Variants in RASGRF2 observed in about 807,000 individuals in gnomAD.
The protein encoded by RASGRF2 is Ras protein specific guanine nucleotide releasing factor 2, also known as ras-specific guanine nucleotide-releasing factor 2.
In RASGRF2, 76 loss-of-function variants were observed where a neutral mutation model predicts 151.0. The observed-to-expected ratio is 0.50, with a 90% CI of 0.42 to 0.61. The LOEUF (loss-of-function observed/expected upper bound fraction) is 0.61. RASGRF2 is among the 20% of genes least tolerant of loss of function. RASGRF2 has a pLI of 0.00. For synonymous variants in RASGRF2, 504 were observed against 566.5 expected, an observed-to-expected ratio of 0.89 and a Z score of 1.57; for missense variants, 1,148 against 1,564.6, an observed-to-expected ratio of 0.73 and a Z score of 4.49.
chr5:81,215,267 C>CTTTTTTT (rs772223510), intron 23 of RASGRF2, among the ~76,000 whole-genome samples: 3 of 119,790 alleles, frequency 2.5e-5, no homozygotes, highest in Non-Finnish European at 5.2e-5. Flanking sequence ...AATATAGAAT[C>CTTTTTTT]TTTTTTTTTT....
rs372245319 is a variant in RASGRF2, at chr5:81,140,059, C to T, written c.2686+12896C>T. Among the ~76,000 whole-genome samples the T allele has an allele frequency of 8.0e-4, 121 of 152,196 alleles. 2 individuals are homozygous for T. Among genetic ancestry groups the T allele is most frequent in the African/African-American group, 2.3e-3 (96 of 41,530 alleles). On this transcript the variant is annotated intron_variant, in intron 17 of 26. Coordinates refer to ENST00000265080, the MANE Select transcript of RASGRF2 (RefSeq NM_006909.3). ...GCCCAGGCTGGTCTCCAACCCCCGT[C>T]CTTAAGTGATCCTCCTGCCTCGGCC...
At position 81,208,386 on chromosome 5, in the gene RASGRF2, A is replaced by C; in HGVS notation, c.3104A>C (p.Asp1035Ala). The part of the protein sequence containing the change: ...EFLGQGWMKL[D>A]KNERTPYIMK... The stretch of plus-strand genomic sequence containing the variant: ...CTTGGGCAGGGGTGGATGAAGCTGG[A>C]TAAAAACGAAAGAACTCCTTACATT... Residue 1035 changes from aspartate to alanine, a missense_variant, in exon 22 of 27, where the codon GAT becomes GCT. Physicochemically the swap from Asp to Ala is moderately radical, Grantham distance 126. This residue lies in a region of RASGRF2 where 646 missense variants were observed against 807.4 expected (regional missense o/e 0.80). Coordinates refer to ENST00000265080, the MANE Select transcript of RASGRF2 (RefSeq NM_006909.3). The C allele has an allele frequency of 1.2e-6, 2 of 1,614,092 alleles. No homozygotes were observed. The highest frequency in any genetic ancestry group is 3.3e-5 in the Admixed American group (2 of 60,022).
chr5:81,081,013 A>G (rs1752070786), intron 7 of RASGRF2, among the ~76,000 whole-genome samples: 1 of 152,206 alleles, frequency 6.6e-6, no homozygotes, highest in African/African-American at 2.4e-5. Context: ...GAAGCAAAGA[A>G]TTCAAGAATG....
At chr5:81,213,629 A>G (rs1358443818) in intron 23 of RASGRF2, among the ~76,000 whole-genome samples, 2 of 152,054 alleles carry the variant, frequency 1.3e-5, no homozygotes, top group Non-Finnish European at 2.9e-5. Context: ...TTTCTTTTCC[A>G]TCTTCATTTT....
intron 17 of RASGRF2, among the ~76,000 whole-genome samples, chr5:81,138,377 A>G (rs1017749848): frequency 1.3e-5 from 2 of 152,156 alleles, no homozygotes; most frequent in African/African-American, 2.4e-5. Flanking sequence ...GCTAAGAAGA[A>G]GGCGAGAGGG....
Position 80,960,612 on chromosome 5 carries a change from TG to T in RASGRF2, c.-123del. The T allele has an allele frequency of 2.2e-6, 2 of 907,514 alleles. No homozygotes were observed. Among genetic ancestry groups the T allele is most frequent in the Non-Finnish European group, 2.9e-6 (2 of 695,002 alleles). The allele number at this position is 907,514 out of a possible 1,614,324, so 56.2% of individuals were successfully genotyped here. Reference sequence around the variant, plus strand: ...CGGGCGGGGTGCCCTGCGCGCGGCGTGGGGAAAGGGGGCGCCCTTCGCCGGC... The same window carrying T: ...CGGGCGGGGTGCCCTGCGCGCGGCGTGGGAAAGGGGGCGCCCTTCGCCGGC... On this transcript the variant is annotated 5_prime_UTR_variant, in exon 1 of 27. Coordinates refer to ENST00000265080, the MANE Select transcript of RASGRF2 (RefSeq NM_006909.3). The surrounding 1 kb of genome is among the most constrained non-coding windows in gnomAD (Gnocchi z 5.5).
At chr5:81,089,337 CGTGT>C (rs139154322) in intron 9 of RASGRF2, among the ~76,000 whole-genome samples, 2 of 150,252 alleles carry the variant, frequency 1.3e-5, no homozygotes, top group African/African-American at 2.4e-5. Context: ...TTTCTATGTG[CGTGT>C]GTGTGTGTGT....
At position 81,080,905 on chromosome 5, in the gene RASGRF2, G is replaced by A. The variant is rs1255605761; in HGVS notation, c.1161+116G>A. The A allele has an allele frequency of 4.4e-6, 4 of 899,732 alleles. No homozygotes were observed. The East Asian group carries it at 1.0e-4, about 23-fold the overall frequency. 55.7% of individuals were successfully genotyped at this position (899,732 alleles called of 1,614,324 possible). A position where few individuals can be genotyped will look rare whatever the true frequency, so the allele number is the denominator to read the frequency against. Reference sequence around the variant, plus strand: ...CCCTGGGAGGAATTATGGCACAGATGTACCATCTGTTGCTGTCTTGAGCTT... The same window carrying A: ...CCCTGGGAGGAATTATGGCACAGATATACCATCTGTTGCTGTCTTGAGCTT... On this transcript the variant is annotated intron_variant, in intron 7 of 26. Coordinates refer to ENST00000265080, the MANE Select transcript of RASGRF2 (RefSeq NM_006909.3).
At chr5:81,160,950 T>TA (rs1344800989) in intron 17 of RASGRF2, among the ~76,000 whole-genome samples, 1 of 152,174 alleles carries the variant, frequency 6.6e-6, no homozygotes, top group Non-Finnish European at 1.5e-5. Flanking sequence ...TGGAATCAAA[T>TA]ATCAGGGACT....
chr5:81,035,692 T>C (rs1750464949), intron 1 of RASGRF2, among the ~76,000 whole-genome samples: 1 of 151,980 alleles, frequency 6.6e-6, no homozygotes, highest in Admixed American at 6.6e-5. Flanking sequence ...ATTGGTGAAT[T>C]AGAAGAAAGT....
At chr5:81,155,109 A>T (rs1754230135) in intron 17 of RASGRF2, among the ~76,000 whole-genome samples, 1 of 152,202 alleles carries the variant, frequency 6.6e-6, no homozygotes, top group African/African-American at 2.4e-5. Context: ...GTTTTGAAAC[A>T]AATGAAAATG....
chr5:81,080,642 A>G lies in RASGRF2; in HGVS notation c.1014A>G (p.Glu338=), dbSNP rs762261524. The G allele has an allele frequency of 3.7e-6, 6 of 1,614,148 alleles. No individual in the cohort carries two copies. Among genetic ancestry groups the G allele is most frequent in the Non-Finnish European group, 4.2e-6 (5 of 1,179,994 alleles). ...ILLPMLNIYQ[E]FVRNHQYSLQ... ...TCCCCATGCTGAACATTTATCAAGA[A>G]TTTGTGCGTAATCACCAGTACAGCC... is the stretch of plus-strand genomic sequence containing the variant. The change falls in exon 7 of 27, where the codon GAA becomes GAG. Residue 338 remains glutamate (E), a synonymous_variant. Transcript: ENST00000265080.
chr5:81,042,171 C>G (rs901391857), intron 1 of RASGRF2, among the ~76,000 whole-genome samples: 2 of 152,082 alleles, frequency 1.3e-5, no homozygotes, highest in Non-Finnish European at 2.9e-5. Context: ...CTGATAAATG[C>G]CAGTTTTTTC....
intron 1 of RASGRF2, among the ~76,000 whole-genome samples, chr5:81,009,705 G>A (rs1368267968): frequency 6.6e-6 from 1 of 152,106 alleles, no homozygotes; most frequent in Non-Finnish European, 1.5e-5. Flanking sequence ...TATTTAAGTA[G>A]TATATCATTT....
chr5:81,207,465 C>T (rs1462822980), intron 21 of RASGRF2, 116 bp downstream of exon 21: 1 of 837,280 alleles, frequency 1.2e-6, no homozygotes, highest in Non-Finnish European at 1.9e-6. Flanking sequence ...GTGTGAGTAT[C>T]TACCAGTTGT....
chr5:81,111,373 G>A (rs1271769122), intron 13 of RASGRF2, among the ~76,000 whole-genome samples: 3 of 152,222 alleles, frequency 2.0e-5, no homozygotes, highest in Admixed American at 6.5e-5. Flanking sequence ...TGGTCTGAAG[G>A]TGAGGGGTTC....
At chr5:81,010,450 G>A (rs1372530003) in intron 1 of RASGRF2, among the ~76,000 whole-genome samples, 1 of 152,220 alleles carries the variant, frequency 6.6e-6, no homozygotes, top group Admixed American at 6.5e-5. Flanking sequence ...TTATGTATGA[G>A]AAGAGTGTGG....
intron 2 of RASGRF2, among the ~76,000 whole-genome samples, chr5:81,057,198 C>A (rs558354251): frequency 6.6e-6 from 1 of 151,978 alleles, no homozygotes; most frequent in African/African-American, 2.4e-5. Context: ...TATTTTGCTC[C>A]TTAGTTGATG....
At chr5:81,223,486 A>G (rs1427929378) in intron 26 of RASGRF2, 1 of 151,918 alleles carries the variant, frequency 6.6e-6, no homozygotes, top group African/African-American at 2.4e-5. Flanking sequence ...CTAAAAATAC[A>G]AAAAATTAGC....
Sources: gnomAD v4.1 joint callset for allele counts (sites outside exome capture counted in the v4.1 genomes callset) on GRCh38, gnomAD v4.1.1 for gene constraint, gnomAD v4.1.1 regional missense constraint, Gnocchi (gnomAD v3.1) non-coding constraint, MANE v1.5 for transcripts, NCBI Gene and HGNC (gene_info 2026-07-23, HGNC 2026-07-21) for gene names.